TNFAIP2: variants seen among roughly 807,000 people sequenced by gnomAD.
TNFAIP2 encodes the protein tumor necrosis factor alpha-induced protein 2.
A neutral mutation model predicts 63.5 loss-of-function variants in TNFAIP2; 47 were observed. That is an observed-to-expected ratio of 0.74 (90% CI 0.59 to 0.94). The LOEUF (loss-of-function observed/expected upper bound fraction) is 0.94, where lower values mean the gene tolerates loss of function less well. Among genes scored for constraint, TNFAIP2 ranks in the 40% least tolerant of loss-of-function variants. The pLI is 0.00. For missense variants in TNFAIP2, 787 were observed against 850.2 expected (o/e 0.93, Z 0.92); for synonymous variants, 405 against 390.2 (o/e 1.04, Z -0.45).
rs1395948035 is a variant in TNFAIP2, at chr14:103,132,891, G to A, written c.1545+19G>A. Reference sequence around the variant, plus strand: ...CCGGGAGGTGAGGAGGCTCTGGGCTGGTGGCTGGGTCTTGGGGAGTTGGGG... The same window carrying A: ...CCGGGAGGTGAGGAGGCTCTGGGCTAGTGGCTGGGTCTTGGGGAGTTGGGG... On this transcript the variant is annotated intron_variant, in intron 9 of 11. Coordinates refer to ENST00000560869, the MANE Select transcript of TNFAIP2 (RefSeq NM_006291.4). 1 of 1,612,962 alleles carries A rather than the reference G, an allele frequency of 6.2e-7. No individual in the cohort carries two copies. The highest frequency in any genetic ancestry group is 2.2e-5 in the East Asian group (1 of 44,850).
At chr14:103,130,985 A>G (rs2234137) in intron 6 of TNFAIP2, 67 bp from the exon 7 acceptor site, 140,690 of 1,527,156 alleles carry the variant, frequency 0.092, 7,011 homozygotes, top group Middle Eastern at 0.12. Flanking sequence ...CAGGGAGGGC[A>G]GGGAGGCTGC....
rs201861190 is a variant in TNFAIP2, at chr14:103,131,174, C to T, written c.1298+24C>T. On this transcript the variant is annotated intron_variant, in intron 7 of 11. Coordinates refer to ENST00000560869, the MANE Select transcript of TNFAIP2 (RefSeq NM_006291.4). The surrounding 1 kb of genome is among the most constrained non-coding windows in gnomAD (Gnocchi z 4.0). Reference sequence around the variant, plus strand: ...CGGTGAGAGTGTTGGGAGGGGCTTGCGGGAGTGGGAGTCACTCAGCGGGCA... The same window carrying T: ...CGGTGAGAGTGTTGGGAGGGGCTTGTGGGAGTGGGAGTCACTCAGCGGGCA... 15 of 1,611,324 alleles carry T rather than the reference C, an allele frequency of 9.3e-6. No individual in the cohort carries two copies. The highest frequency in any genetic ancestry group is 2.7e-5 in the African/African-American group (2 of 74,830).
rs1167648654 is a variant in TNFAIP2, at chr14:103,131,895, G to A, written c.1422+133G>A. On this transcript the variant is annotated intron_variant, in intron 8 of 11. Coordinates refer to ENST00000560869, the MANE Select transcript of TNFAIP2 (RefSeq NM_006291.4). The surrounding 1 kb of genome is among the most constrained non-coding windows in gnomAD (Gnocchi z 4.0). ...ACGCTCCAGGCCTGTGGACGGCACC[G>A]TGGGCCAGCTCTGGTGCAGCGGTGA... 31 of 1,296,240 alleles carry A rather than the reference G, an allele frequency of 2.4e-5. No homozygotes were observed. Among genetic ancestry groups the A allele is most frequent in the Admixed American group, 2.0e-4 (8 of 39,976 alleles). 80.3% of individuals were successfully genotyped at this position (1,296,240 alleles called of 1,614,324 possible).
At position 103,127,486 on chromosome 14, in the gene TNFAIP2, C is replaced by G. The variant is rs1330043373; in HGVS notation, c.717C>G (p.Phe239Leu). The G allele has an allele frequency of 3.1e-6, 5 of 1,589,718 alleles. No individual in the cohort carries two copies. Among genetic ancestry groups the G allele is most frequent in the Non-Finnish European group, 3.4e-6 (4 of 1,176,050 alleles). ...EAVVERLKPL[F>L]PAEFGVVAAY... ...TGGTGGAGCGGCTGAAGCCGCTGTT[C>G]CCCGCCGAGTTCGGCGTCGTGGCGG... The change falls in exon 3 of 12, where the codon TTC becomes TTG. Residue 239 changes from phenylalanine (F) to leucine (L), a missense_variant. By Grantham distance (22) the Phe-to-Leu change is conservative. Transcript: ENST00000560869. This position sits in a 1 kb window ranked among gnomAD's most constrained non-coding sequence, Gnocchi z 5.1.
chr14:103,132,869 G>T lies in TNFAIP2; in HGVS notation c.1542G>T (p.Arg514=). 6.2e-7 allele frequency: 1 copy of T among 1,613,744 alleles called. No individual in the cohort carries two copies. Among genetic ancestry groups the T allele is most frequent in the Non-Finnish European group, 8.5e-7 (1 of 1,179,872 alleles). The stretch of plus-strand genomic sequence containing the variant: ...TCTCAGAGCTGCAGGGCTGTTTCCG[G>T]GAGGTGAGGAGGCTCTGGGCTGGTG... ...PEFSELQGCF[R]EELMEALHLH... Residue 514 remains arginine (R), a synonymous_variant, in exon 9 of 12, where the codon CGG becomes CGT. Coordinates refer to ENST00000560869, the MANE Select transcript of TNFAIP2 (RefSeq NM_006291.4).
rs1301446028 is a variant in TNFAIP2, at chr14:103,136,046, C to T, written c.*686C>T. 8.0e-7 allele frequency: 1 copy of T among 1,254,868 alleles called. No homozygotes were observed. The highest frequency in any genetic ancestry group is 1.6e-5 in the African/African-American group (1 of 64,514). The allele number at this position is 1,254,868 out of a possible 1,614,324, so 77.7% of individuals were successfully genotyped here. A position where few individuals can be genotyped will look rare whatever the true frequency, so the allele number is the denominator to read the frequency against. On this transcript the variant is annotated 3_prime_UTR_variant, in exon 12 of 12. Coordinates refer to ENST00000560869, the MANE Select transcript of TNFAIP2 (RefSeq NM_006291.4). ...CCCAAGGCCTCAACTAGAGGGTGGTCCCCCGAGGGCTTGGTGTCTACTACC... is the reference window on the plus strand; with the variant it reads ...CCCAAGGCCTCAACTAGAGGGTGGTTCCCCGAGGGCTTGGTGTCTACTACC...
intron 1 of TNFAIP2, chr14:103,124,336 G>C (rs2087809163): frequency 1.3e-5 from 2 of 152,444 alleles, no homozygotes; most frequent in Non-Finnish European, 2.9e-5. Flanking sequence ...GAAGTGTGCT[G>C]AGCCCACACC....
Position 103,128,100 on chromosome 14 carries a change from T to C in TNFAIP2, c.860+471T>C, listed in dbSNP as rs117928593. Among the ~76,000 whole-genome samples the C allele has an allele frequency of 7.2e-5, 11 of 152,142 alleles. No homozygotes were observed. The East Asian group carries it at 2.1e-3, about 29-fold the overall frequency. On this transcript the variant is annotated intron_variant, in intron 3 of 11. Transcript: ENST00000560869. Reference sequence around the variant, plus strand: ...GGAGGAGGTGAAAGCCAGCGGTCCTTCTCTGAGCCAGGGAATCAGGCCAGG... The same window carrying C: ...GGAGGAGGTGAAAGCCAGCGGTCCTCCTCTGAGCCAGGGAATCAGGCCAGG...
upstream of TNFAIP2, chr14:103,122,934 C>A: frequency 2.4e-6 from 1 of 413,012 alleles, no homozygotes; most frequent in Non-Finnish European, 4.9e-6. Flanking sequence ...GCCGCGCGGC[C>A]AGCACTCTGG....
intron 11 of TNFAIP2, among the ~76,000 whole-genome samples, chr14:103,134,592 C>T (rs1017052857): frequency 1.3e-5 from 2 of 151,644 alleles, no homozygotes; most frequent in African/African-American, 4.9e-5. Flanking sequence ...ACTCACCCAC[C>T]CACCCATCCA....
intron 1 of TNFAIP2, among the ~76,000 whole-genome samples, chr14:103,125,194 C>T (rs1480191979): frequency 6.6e-6 from 1 of 152,252 alleles, no homozygotes; most frequent in Non-Finnish European, 1.5e-5. Context: ...AGACAGGTGG[C>T]ATCAAGGTTA....
chr14:103,133,365 C>T lies in TNFAIP2; in HGVS notation c.1549C>T (p.Leu517Phe), dbSNP rs377022493. 5.9e-5 allele frequency: 95 copies of T among 1,613,008 alleles called. No homozygotes were observed. The highest frequency in any genetic ancestry group is 7.0e-5 in the Non-Finnish European group (83 of 1,179,786). ...CCCTGGCTGCTTGCCCTCCCAGGAGCTCATGGAGGCCTTGCACCTGCACCT... is the reference window on the plus strand; with the variant it reads ...CCCTGGCTGCTTGCCCTCCCAGGAGTTCATGGAGGCCTTGCACCTGCACCT... Reference protein sequence around the residue: ...SELQGCFREELMEALHLHLVK... With the variant: ...SELQGCFREEFMEALHLHLVK... The change falls in exon 10 of 12, where the codon CTC becomes TTC. Residue 517 changes from leucine to phenylalanine, a missense_variant. Leu to Phe is a conservative substitution (Grantham distance 22). Coordinates refer to ENST00000560869, the MANE Select transcript of TNFAIP2 (RefSeq NM_006291.4).
At position 103,133,813 on chromosome 14, in the gene TNFAIP2, T is replaced by A; in HGVS notation, c.1823+10T>A. On this transcript the variant is annotated intron_variant, in intron 11 of 11. Transcript: ENST00000560869. Reference sequence around the variant, plus strand: ...GCTACCCTGACTTCAGGTGAGAACCTGGGGCACCTCAGGACCACTGTCACA... The same window carrying A: ...GCTACCCTGACTTCAGGTGAGAACCAGGGGCACCTCAGGACCACTGTCACA... The A allele has an allele frequency of 6.3e-7, 1 of 1,579,272 alleles. No individual in the cohort carries two copies. Among genetic ancestry groups the A allele is most frequent in the Non-Finnish European group, 8.5e-7 (1 of 1,173,074 alleles).
At chr14:103,129,676 T>C in intron 3 of TNFAIP2, 64 bp from the exon 4 acceptor site, 1 of 1,488,884 alleles carries the variant, frequency 6.7e-7, no homozygotes, top group African/African-American at 1.4e-5. Flanking sequence ...GGGCCTGGGC[T>C]CTAGCTTGAG....
At chr14:103,129,692 G>T (rs1378116726) in intron 3 of TNFAIP2, 48 bp from the exon 4 acceptor site, 3 of 1,554,734 alleles carry the variant, frequency 1.9e-6, no homozygotes, top group Non-Finnish European at 8.9e-7. Context: ...TTGAGTGGTG[G>T]TGCTGATTTG....
chr14:103,124,675 C>A (rs906598372), intron 1 of TNFAIP2, among the ~76,000 whole-genome samples: 58 of 152,326 alleles, frequency 3.8e-4, no homozygotes, highest in African/African-American at 1.2e-3. Context: ...CCAGCTCCCG[C>A]GGGTGCTAGG....
At position 103,131,066 on chromosome 14, in the gene TNFAIP2, T is replaced by A; in HGVS notation, c.1214T>A (p.Phe405Tyr). ...GGTTTCGCCAGCTACCAGCGCGCCTTTAATGAATTTCTGGAGAGAGGCAAG... is the reference window on the plus strand; with the variant it reads ...GGTTTCGCCAGCTACCAGCGCGCCTATAATGAATTTCTGGAGAGAGGCAAG... Reference protein sequence around the residue: ...PAFLRSYQRAFNEFLERGKQL... With the variant: ...PAFLRSYQRAYNEFLERGKQL... The change falls in exon 7 of 12, where the codon TTT (phenylalanine) becomes TAT (tyrosine). Residue 405 changes from phenylalanine to tyrosine, a missense_variant. Physicochemically the swap from Phe to Tyr is conservative, Grantham distance 22. Coordinates refer to ENST00000560869, the MANE Select transcript of TNFAIP2 (RefSeq NM_006291.4). The surrounding 1 kb of genome is among the most constrained non-coding windows in gnomAD (Gnocchi z 4.0). 6.2e-7 allele frequency: 1 copy of A among 1,614,164 alleles called. No homozygotes were observed. The highest frequency in any genetic ancestry group is 2.2e-5 in the East Asian group (1 of 44,884).
chr14:103,135,671 GCTCAGGGATCCCCGGACA>G lies in TNFAIP2; in HGVS notation c.*313_*330del, dbSNP rs2088080121. ...GAACCAGGAGGGAGAGTGCAGCCAGGCTCAGGGATCCCCGGACACCTCTGTCCAGAGCCCCTCCACAGT... is the reference window on the plus strand; with the variant it reads ...GAACCAGGAGGGAGAGTGCAGCCAGGCCTCTGTCCAGAGCCCCTCCACAGT... On this transcript the variant is annotated 3_prime_UTR_variant, in exon 12 of 12. Transcript: ENST00000560869. This position sits in a 1 kb window ranked among gnomAD's most constrained non-coding sequence, Gnocchi z 7.6. 2 of 1,262,824 alleles carry G rather than the reference GCTCAGGGATCCCCGGACA, an allele frequency of 1.6e-6. No homozygotes were observed. The highest frequency in any genetic ancestry group is 8.4e-5 in the East Asian group (2 of 23,760). 78.2% of individuals were successfully genotyped at this position (1,262,824 alleles called of 1,614,324 possible). A position where few individuals can be genotyped will look rare whatever the true frequency, so the allele number is the denominator to read the frequency against.
chr14:103,133,599 C>A, intron 10 of TNFAIP2, 82 bp downstream of exon 10: 2 of 1,572,354 alleles, frequency 1.3e-6, no homozygotes, highest in Non-Finnish European at 1.7e-6. Context: ...GGAGATAGGC[C>A]GCTGGTGCCT....
Sources: allele counts gnomAD v4.1 joint callset (sites outside exome capture counted in the v4.1 genomes callset), GRCh38; gene constraint gnomAD v4.1.1; non-coding constraint Gnocchi (gnomAD v3.1); transcripts MANE v1.5; gene names NCBI Gene and HGNC (gene_info 2026-07-23, HGNC 2026-07-21).